The following SLC23A2 variants were observed in gnomAD, a reference collection of about 807,000 sequenced individuals.
SLC23A2 encodes the protein solute carrier family 23 member 2, also known as Na(+)/L-ascorbic acid transporter 2.
SLC23A2 carries 36 observed loss-of-function variants against 73.3 expected under a neutral mutation model. That is an observed-to-expected ratio of 0.49 (90% CI 0.38 to 0.65). The LOEUF (loss-of-function observed/expected upper bound fraction) is 0.65. Ranked by LOEUF, SLC23A2 falls within the 30% of genes least tolerant of loss-of-function variation. The pLI is 0.00. For missense variants in SLC23A2, 507 were observed against 841.6 expected (o/e 0.60, Z 4.92); for synonymous variants, 343 against 327.3 (o/e 1.05, Z -0.52).
At chr20:4,901,875 T>C (rs1931756705) in intron 5 of SLC23A2, among the ~76,000 whole-genome samples, 1 of 152,214 alleles carries the variant, frequency 6.6e-6, no homozygotes, top group Non-Finnish European at 1.5e-5. Flanking sequence ...CTATTCTTCC[T>C]TCTTTCTATA....
intron 2 of SLC23A2, among the ~76,000 whole-genome samples, chr20:4,945,242 A>T (rs1200503660): frequency 6.6e-6 from 1 of 152,196 alleles, no homozygotes; most frequent in Admixed American, 6.5e-5. Flanking sequence ...TTTAAAAAAA[A>T]AATAACAATC....
At chr20:4,929,995 A>C (rs1300154865) in intron 3 of SLC23A2, among the ~76,000 whole-genome samples, 1 of 152,252 alleles carries the variant, frequency 6.6e-6, no homozygotes, top group Non-Finnish European at 1.5e-5. Context: ...TTAAATGAAA[A>C]GCAAACTAAG....
intron 2 of SLC23A2, among the ~76,000 whole-genome samples, chr20:4,954,908 T>G (rs189624315): frequency 1.3e-5 from 2 of 151,964 alleles, no homozygotes; most frequent in Admixed American, 1.3e-4. Context: ...AGGAGTCTGG[T>G]GGGTGCCATT....
chr20:4,932,221 T>A (rs1932797997), intron 3 of SLC23A2, among the ~76,000 whole-genome samples: 1 of 152,196 alleles, frequency 6.6e-6, no homozygotes, highest in African/African-American at 2.4e-5. Flanking sequence ...AGATTTAAAA[T>A]GTTAACAGCA....
chr20:4,918,675 C>CAGA lies in SLC23A2; in HGVS notation c.109-5700_109-5698dup, dbSNP rs1231700633. On this transcript the variant is annotated intron_variant, in intron 3 of 16. Coordinates refer to ENST00000338244, the MANE Select transcript of SLC23A2 (RefSeq NM_005116.6). The stretch of plus-strand genomic sequence containing the variant: ...GCTGTGTGTGCCCACATTTCTCAAG[C>CAGA]AGAAGTGACAGTGCATGTGCTGCTT... Among the ~76,000 whole-genome samples the CAGA allele has an allele frequency of 3.3e-5, 5 of 152,172 alleles. No homozygotes were observed. The East Asian group carries it at 9.7e-4, about 29-fold the overall frequency.
chr20:4,979,374 T>C (rs1017431618), intron 1 of SLC23A2, among the ~76,000 whole-genome samples: 5 of 152,078 alleles, frequency 3.3e-5, no homozygotes, highest in African/African-American at 1.2e-4. Flanking sequence ...CCAAAGGGTC[T>C]AAACACCAAA....
At chr20:4,866,704 G>T (rs1930213806) in intron 13 of SLC23A2, among the ~76,000 whole-genome samples, 1 of 152,194 alleles carries the variant, frequency 6.6e-6, no homozygotes, top group African/African-American at 2.4e-5. Flanking sequence ...ACCTGGATTT[G>T]CAATCAAGGT....
At chr20:4,979,242 G>A (rs973622295) in intron 1 of SLC23A2, among the ~76,000 whole-genome samples, 4 of 151,676 alleles carry the variant, frequency 2.6e-5, no homozygotes, top group South Asian at 2.1e-4. Flanking sequence ...ACAGTGAACC[G>A]AGATCACACC....
intron 2 of SLC23A2, among the ~76,000 whole-genome samples, chr20:4,958,574 C>A (rs902659933): frequency 6.7e-6 from 1 of 150,232 alleles, no homozygotes; most frequent in African/African-American, 2.4e-5. Flanking sequence ...TTTTTTGAGA[C>A]CGGGTTATGA....
intron 2 of SLC23A2, among the ~76,000 whole-genome samples, chr20:4,960,962 C>CACACAAA (rs1300354442): frequency 6.6e-6 from 1 of 152,132 alleles, no homozygotes; most frequent in Admixed American, 6.5e-5. Flanking sequence ...AAAGGATATA[C>CACACAAA]AGTCTGAACA....
chr20:4,888,523 T>C (rs1347240419), intron 6 of SLC23A2, among the ~76,000 whole-genome samples: 2 of 152,148 alleles, frequency 1.3e-5, no homozygotes, highest in African/African-American at 4.8e-5. Flanking sequence ...CATGACGAGA[T>C]CCCATGTCGG....
At chr20:4,953,757 C>T (rs1052784027) in intron 2 of SLC23A2, among the ~76,000 whole-genome samples, 14 of 152,070 alleles carry the variant, frequency 9.2e-5, no homozygotes, top group East Asian at 7.7e-4. Flanking sequence ...AGTGTGGTGG[C>T]GCACACCTGT....
chr20:4,942,374 C>CAA (rs1216270773), intron 2 of SLC23A2, among the ~76,000 whole-genome samples: 1,376 of 46,996 alleles, frequency 0.029, 33 homozygotes, highest in African/African-American at 0.08. Context: ...GCTACAGTCT[C>CAA]AAAAAAAAAA....
At chr20:5,004,660 C>T (rs1233913197), upstream of SLC23A2, among the ~76,000 whole-genome samples, 3 of 152,050 alleles carry the variant, frequency 2.0e-5, no homozygotes, top group Non-Finnish European at 2.9e-5. Flanking sequence ...CACTAGGCAA[C>T]ATGGGGAGAC....
intron 6 of SLC23A2, among the ~76,000 whole-genome samples, chr20:4,888,609 C>A (rs1450914619): frequency 1.3e-5 from 2 of 152,152 alleles, no homozygotes; most frequent in Non-Finnish European, 2.9e-5. Context: ...CTGCCAGAGG[C>A]CCCCCATGTC....
chr20:4,945,717 G>C (rs1167026908), intron 2 of SLC23A2, among the ~76,000 whole-genome samples: 5 of 152,136 alleles, frequency 3.3e-5, no homozygotes, highest in Non-Finnish European at 7.4e-5. Flanking sequence ...TCAAAAGACA[G>C]GGGTAACCGA....
chr20:4,940,823 TG>T (rs745568672), intron 2 of SLC23A2, among the ~76,000 whole-genome samples: 2 of 151,920 alleles, frequency 1.3e-5, no homozygotes, highest in African/African-American at 4.8e-5. Flanking sequence ...TCCAGGGACT[TG>T]GGGGGGCGGT....
At chr20:4,912,818 G>T in intron 4 of SLC23A2, 62 bp downstream of exon 4, 1 of 1,054,762 alleles carries the variant, frequency 9.5e-7, no homozygotes, top group Non-Finnish European at 1.5e-6. Context: ...TCCAGATCCG[G>T]GGCAGCACTT....
rs1929648689 is a variant in SLC23A2 at position 4,854,642 on chromosome 20, A to G, written c.*2330T>C. On this transcript the variant is annotated 3_prime_UTR_variant, in exon 17 of 17. Coordinates refer to ENST00000338244, the MANE Select transcript of SLC23A2 (RefSeq NM_005116.6). ...GGGTAGGGCTTCCTTCCCTGTGTGA[A>G]GGCCTACAGAGGGCACCCCACATGT... 1 of 152,194 alleles carries G rather than the reference A, an allele frequency of 6.6e-6. No homozygotes were observed. The highest frequency in any genetic ancestry group is 2.1e-4 in the South Asian group (1 of 4,834). The allele number at this position is 152,194 out of a possible 1,614,324, so 9.4% of individuals were successfully genotyped here. A position where few individuals can be genotyped will look rare whatever the true frequency, so the allele number is the denominator to read the frequency against.
Sources: gnomAD v4.1 joint callset for allele counts (sites outside exome capture counted in the v4.1 genomes callset) on GRCh38, gnomAD v4.1.1 for gene constraint, MANE v1.5 for transcripts, NCBI Gene and HGNC (gene_info 2026-07-23, HGNC 2026-07-21) for gene names.